KHDRBS2: variants seen among roughly 807,000 people sequenced by gnomAD.
The protein encoded by KHDRBS2 is KH domain-containing, RNA-binding, signal transduction-associated protein 2.
KHDRBS2 carries 26 observed loss-of-function variants against 44.3 expected under a neutral mutation model. The ratio of observed to expected loss-of-function variants is 0.59; its 90% CI spans 0.43 to 0.81. The LOEUF (loss-of-function observed/expected upper bound fraction) is 0.81. Ranked by LOEUF, KHDRBS2 falls within the 40% of genes least tolerant of loss-of-function variation. KHDRBS2 has a pLI of 0.00. For synonymous variants in KHDRBS2, 194 were observed against 151.1 expected, an observed-to-expected ratio of 1.28 and a Z score of -2.08; for missense variants, 476 against 433.1, an observed-to-expected ratio of 1.10 and a Z score of -0.88.
chr6:61,890,623 T>C (rs566373555), intron 6 of KHDRBS2, among the ~76,000 whole-genome samples: 207 of 152,328 alleles, frequency 1.4e-3, no homozygotes, highest in Middle Eastern at 6.8e-3. Context: ...AAAAACACCA[T>C]AGTGACAACG....
At chr6:62,244,046 T>A (rs1312553091) in intron 1 of KHDRBS2, among the ~76,000 whole-genome samples, 1 of 152,132 alleles carries the variant, frequency 6.6e-6, no homozygotes, top group Non-Finnish European at 1.5e-5. Context: ...AGTCATTCTG[T>A]CAGTCTTAGA....
intron 6 of KHDRBS2, among the ~76,000 whole-genome samples, chr6:61,814,936 T>A (rs1788678950): frequency 6.6e-6 from 1 of 152,278 alleles, no homozygotes; most frequent in Middle Eastern, 3.4e-3. Flanking sequence ...AAAGTATTTG[T>A]ATATAACCTA....
intron 7 of KHDRBS2, among the ~76,000 whole-genome samples, chr6:61,720,490 C>T (rs199785079): frequency 0.041 from 6,218 of 151,938 alleles, 148 homozygotes; most frequent in East Asian, 0.085. Flanking sequence ...TGAGATGGTA[C>T]CTCATTGTGG....
chr6:61,900,992 A>C (rs560261182), intron 5 of KHDRBS2, among the ~76,000 whole-genome samples: 1 of 152,136 alleles, frequency 6.6e-6, no homozygotes, highest in South Asian at 2.1e-4. Context: ...ACCCCAGGTA[A>C]ATTTCATACA....
intron 6 of KHDRBS2, among the ~76,000 whole-genome samples, chr6:61,854,717 G>T (rs1229363586): frequency 6.6e-6 from 1 of 152,126 alleles, no homozygotes; most frequent in Admixed American, 6.6e-5. Flanking sequence ...GATTGCTTTT[G>T]AAGATGAAAC....
At chr6:61,983,236 C>CT (rs1173961055) in intron 3 of KHDRBS2, among the ~76,000 whole-genome samples, 27 of 118,510 alleles carry the variant, frequency 2.3e-4, no homozygotes, top group Non-Finnish European at 3.2e-4. Context: ...TTCTTTCTTT[C>CT]TTTTTTTTTT....
chr6:61,958,165 C>T (rs552801087), intron 4 of KHDRBS2, among the ~76,000 whole-genome samples: 14 of 152,240 alleles, frequency 9.2e-5, no homozygotes, highest in East Asian at 5.8e-4. Context: ...CCCATTCTAT[C>T]GTTTAACAGA....
At chr6:61,590,242 T>C in the KHDRBS2 span, among the ~76,000 whole-genome samples, 1,255 of 152,288 alleles carry the variant, frequency 8.2e-3, 16 homozygotes, top group African/African-American at 0.029. Context: ...TGGAGCACTT[T>C]TATGATGCAG....
intron 2 of KHDRBS2, among the ~76,000 whole-genome samples, chr6:62,127,664 A>C (rs1809288125): frequency 6.6e-6 from 1 of 151,980 alleles, no homozygotes; most frequent in African/African-American, 2.4e-5. Flanking sequence ...ATTTCTACTA[A>C]TTTGTCTTAA....
intron 2 of KHDRBS2, among the ~76,000 whole-genome samples, chr6:62,131,848 C>A (rs527635285): frequency 6.6e-6 from 1 of 152,270 alleles, no homozygotes; most frequent in South Asian, 2.1e-4. Context: ...TACATTGTCT[C>A]ATTTTCAATG....
intron 6 of KHDRBS2, among the ~76,000 whole-genome samples, chr6:61,862,833 T>C (rs780313164): frequency 5.9e-5 from 9 of 152,250 alleles, no homozygotes; most frequent in East Asian, 1.9e-4. Flanking sequence ...GCTGGCCTCA[T>C]AGAATGGGTT....
the KHDRBS2 span, among the ~76,000 whole-genome samples, chr6:61,611,904 C>T: frequency 6.6e-6 from 1 of 152,070 alleles, no homozygotes; most frequent in Non-Finnish European, 1.5e-5. Context: ...GTGTTTAGCT[C>T]CCAATTATAA....
chr6:62,197,795 C>A (rs1826000740), intron 1 of KHDRBS2, among the ~76,000 whole-genome samples: 1 of 152,114 alleles, frequency 6.6e-6, no homozygotes. Flanking sequence ...TTCTTTTCAG[C>A]ACCACACCAC....
the KHDRBS2 span, among the ~76,000 whole-genome samples, chr6:61,566,243 G>C: frequency 6.6e-6 from 1 of 152,094 alleles, no homozygotes; most frequent in African/African-American, 2.4e-5. Flanking sequence ...GAAGTGCAGT[G>C]GGGAGGCGAG....
At chr6:61,978,924 T>C (rs1473943083) in intron 3 of KHDRBS2, among the ~76,000 whole-genome samples, 1 of 152,096 alleles carries the variant, frequency 6.6e-6, no homozygotes. Context: ...TTGCTTTTAA[T>C]GGCATTATTT....
In KHDRBS2 at chr6:62,241,231, T is replaced by C. The variant is rs538306879; in HGVS notation, c.91+44627A>G. On this transcript the variant is annotated intron_variant, in intron 1 of 8. Transcript: ENST00000281156. ...CCTTAGTATATTTGTGGTAACTTAA[T>C]GAGGAAAAACTATAATGACAGTGAA... Among the ~76,000 whole-genome samples the C allele has an allele frequency of 7.9e-5, 12 of 152,288 alleles. No homozygotes were observed. In the South Asian group the frequency reaches 2.3e-3, roughly 29 times the overall value.
At chr6:61,604,502 C>T in the KHDRBS2 span, among the ~76,000 whole-genome samples, 1 of 152,240 alleles carries the variant, frequency 6.6e-6, no homozygotes, top group Non-Finnish European at 1.5e-5. Context: ...TCCAGCCTCA[C>T]AGGCCCATTC....
At chr6:62,230,305 A>T (rs1160415016) in intron 1 of KHDRBS2, among the ~76,000 whole-genome samples, 1 of 152,214 alleles carries the variant, frequency 6.6e-6, no homozygotes, top group Non-Finnish European at 1.5e-5. Context: ...AGAAGTAGCT[A>T]AAAAATGAAA....
At chr6:62,125,255 T>C (rs1018002878) in intron 2 of KHDRBS2, among the ~76,000 whole-genome samples, 2 of 152,172 alleles carry the variant, frequency 1.3e-5, no homozygotes, top group Non-Finnish European at 2.9e-5. Context: ...ATTGTCACAA[T>C]AGAAAGCAAC....
Sources: allele counts gnomAD v4.1 joint callset (sites outside exome capture counted in the v4.1 genomes callset), GRCh38; gene constraint gnomAD v4.1.1; transcripts MANE v1.5; gene names NCBI Gene and HGNC (gene_info 2026-07-23, HGNC 2026-07-21).